Variants in UBE2R2 observed in about 807,000 individuals in gnomAD.
UBE2R2 encodes the protein ubiquitin conjugating enzyme E2 R2.
A neutral mutation model predicts 27.8 loss-of-function variants in UBE2R2; 1 was observed. The observed-to-expected ratio is 0.04, with a 90% confidence interval of 0.01 to 0.17. The LOEUF (loss-of-function observed/expected upper bound fraction) is 0.17, where lower values mean the gene tolerates loss of function less well. Among genes scored for constraint, UBE2R2 ranks in the 10% least tolerant of loss-of-function variants. The probability of loss-of-function intolerance (pLI) is 1.00; values close to 1 mark genes in which losing one functional copy is unlikely to be tolerated. For synonymous variants in UBE2R2, 106 were observed against 113.3 expected, an observed-to-expected ratio of 0.94 and a Z score of 0.41; for missense variants, 100 against 291.0, an observed-to-expected ratio of 0.34 and a Z score of 4.78.
intron 1 of UBE2R2, among the ~76,000 whole-genome samples, chr9:33,848,002 G>A (rs1258893824): frequency 1.3e-5 from 2 of 151,968 alleles, no homozygotes; most frequent in East Asian, 1.9e-4. Flanking sequence ...TGATCCACCC[G>A]CCTCTGACTC....
intron 1 of UBE2R2, among the ~76,000 whole-genome samples, chr9:33,876,567 A>G (rs1821606487): frequency 6.6e-6 from 1 of 152,126 alleles, no homozygotes; most frequent in Non-Finnish European, 1.5e-5. Flanking sequence ...ACACCAACCA[A>G]TGTTACCTCT....
intron 3 of UBE2R2, among the ~76,000 whole-genome samples, chr9:33,910,348 C>CGT (rs1822457201): frequency 6.6e-6 from 1 of 152,018 alleles, no homozygotes; most frequent in South Asian, 2.1e-4. Context: ...GGGGTTTCAC[C>CGT]GTGTTGGCCA....
chr9:33,889,697 T>C (rs1012789628), intron 2 of UBE2R2, among the ~76,000 whole-genome samples: 1 of 152,222 alleles, frequency 6.6e-6, no homozygotes, highest in African/African-American at 2.4e-5. Context: ...TAATTACTTT[T>C]GTGTTTTTGA....
In UBE2R2 at chr9:33,859,508, T is replaced by G. The variant is rs149819276; in HGVS notation, c.178-27373T>G. ...ATGGTTTATGTAGAGTATTAAAATCTTAAGACTGGGATGGACTCTGAGATA... is the reference window on the plus strand; with the variant it reads ...ATGGTTTATGTAGAGTATTAAAATCGTAAGACTGGGATGGACTCTGAGATA... On this transcript the variant is annotated intron_variant, in intron 1 of 4. Coordinates refer to ENST00000263228, the MANE Select transcript of UBE2R2 (RefSeq NM_017811.4). Among the ~76,000 whole-genome samples, 186 of 152,292 alleles carry G rather than the reference T, an allele frequency of 1.2e-3. 1 individual carries two copies. The highest frequency in any genetic ancestry group is 0.011 in the Admixed American group (166 of 15,276).
intron 1 of UBE2R2, among the ~76,000 whole-genome samples, chr9:33,867,569 T>C (rs913298560): frequency 6.6e-6 from 1 of 152,236 alleles, no homozygotes; most frequent in Non-Finnish European, 1.5e-5. Context: ...GCATCTTTGC[T>C]AGTCTTTTTC....
At chr9:33,864,870 G>A (rs890889116) in intron 1 of UBE2R2, among the ~76,000 whole-genome samples, 22 of 151,822 alleles carry the variant, frequency 1.4e-4, no homozygotes, top group African/African-American at 4.4e-4. Context: ...GATTACAGGC[G>A]TGTGCCACCA....
rs192532675 is a variant in UBE2R2 at position 33,871,750 on chromosome 9, G to A, written c.178-15131G>A. Reference sequence around the variant, plus strand: ...TTTTGAGACGGAGTCTCGCTCTGTCGCCCAGGCTGGAGTACAGTGGCGTGA... The same window carrying A: ...TTTTGAGACGGAGTCTCGCTCTGTCACCCAGGCTGGAGTACAGTGGCGTGA... On this transcript the variant is annotated intron_variant, in intron 1 of 4. Transcript: ENST00000263228. 3.7e-3 allele frequency among the ~76,000 whole-genome samples: 556 copies of A among 152,210 alleles called. 9 individuals are homozygous for A. Among genetic ancestry groups the A allele is most frequent in the East Asian group, 0.014 (71 of 5,184 alleles).
At position 33,856,859 on chromosome 9, in the gene UBE2R2, G is replaced by A. The variant is rs12337694; in HGVS notation, c.178-30022G>A. ...TGTCCGTCCTTCCATCCATCCATCC[G>A]TCTGTCCGTCCTTCCTTCCTTCCTT... On this transcript the variant is annotated intron_variant, in intron 1 of 4. Transcript: ENST00000263228. Among the ~76,000 whole-genome samples, 562 of 139,058 alleles carry A rather than the reference G, an allele frequency of 4.0e-3. 6 individuals are homozygous for A. Among genetic ancestry groups the A allele is most frequent in the African/African-American group, 0.014 (529 of 37,222 alleles). 91.2% of individuals were successfully genotyped at this position (139,058 alleles called of 152,430 possible). A position where few individuals can be genotyped will look rare whatever the true frequency, so the allele number is the denominator to read the frequency against.
At chr9:33,870,970 A>G (rs953762503) in intron 1 of UBE2R2, among the ~76,000 whole-genome samples, 1 of 152,184 alleles carries the variant, frequency 6.6e-6, no homozygotes, top group African/African-American at 2.4e-5. Flanking sequence ...TTTTGTGTTT[A>G]TTCCAACTGC....
intron 1 of UBE2R2, among the ~76,000 whole-genome samples, chr9:33,886,623 C>A (rs1821863525): frequency 6.8e-6 from 1 of 147,278 alleles, no homozygotes; most frequent in Admixed American, 7.1e-5. Context: ...TCACTGCACT[C>A]CAGCCTGCTG....
chr9:33,887,640 G>A (rs1366693828), intron 2 of UBE2R2, among the ~76,000 whole-genome samples: 3 of 145,264 alleles, frequency 2.1e-5, no homozygotes, highest in South Asian at 4.8e-4. Flanking sequence ...TTCTATAAGT[G>A]TGCTTTTTTG....
chr9:33,877,796 CCTCT>C (rs1821637704), intron 1 of UBE2R2, among the ~76,000 whole-genome samples: 1 of 112,578 alleles, frequency 8.9e-6, no homozygotes, highest in South Asian at 2.9e-4. Context: ...GATTTTTGCC[CCTCT>C]CTGTCTGTCT....
intron 1 of UBE2R2, among the ~76,000 whole-genome samples, chr9:33,838,966 C>A (rs1293173965): frequency 6.6e-6 from 1 of 151,672 alleles, no homozygotes; most frequent in Non-Finnish European, 1.5e-5. Flanking sequence ...CCTGTAATCC[C>A]AGCTACTCGG....
intron 1 of UBE2R2, among the ~76,000 whole-genome samples, chr9:33,840,966 C>T (rs967173519): frequency 1.3e-5 from 2 of 151,916 alleles, no homozygotes; most frequent in Admixed American, 6.6e-5. Context: ...ACTCTTTCAC[C>T]CAGGCTGGAG....
At chr9:33,866,627 A>T (rs1157508938) in intron 1 of UBE2R2, among the ~76,000 whole-genome samples, 1 of 152,156 alleles carries the variant, frequency 6.6e-6, no homozygotes, top group East Asian at 1.9e-4. Context: ...ACACTGGGGC[A>T]TCTGTATATC....
At chr9:33,855,580 C>A (rs1218987538) in intron 1 of UBE2R2, among the ~76,000 whole-genome samples, 1 of 152,204 alleles carries the variant, frequency 6.6e-6, no homozygotes, top group Non-Finnish European at 1.5e-5. Context: ...GATCCCCAGG[C>A]AACACAAAAT....
intron 1 of UBE2R2, among the ~76,000 whole-genome samples, chr9:33,844,792 A>G (rs1243235024): frequency 1.3e-5 from 2 of 151,628 alleles, no homozygotes; most frequent in East Asian, 3.9e-4. Context: ...TTTCTGAGAC[A>G]GTCTTGCTCT....
At chr9:33,915,746 G>A (rs970588609) in intron 4 of UBE2R2, among the ~76,000 whole-genome samples, 2 of 152,080 alleles carry the variant, frequency 1.3e-5, no homozygotes, top group East Asian at 1.9e-4. Flanking sequence ...AGACATTTAC[G>A]CTCACATTCA....
intron 1 of UBE2R2, among the ~76,000 whole-genome samples, chr9:33,840,528 A>C (rs747531623): frequency 6.6e-6 from 1 of 152,042 alleles, no homozygotes; most frequent in Non-Finnish European, 1.5e-5. Flanking sequence ...TATATTTTGC[A>C]AATTGGTTAC....
Sources: allele counts gnomAD v4.1 joint callset (sites outside exome capture counted in the v4.1 genomes callset), GRCh38; gene constraint gnomAD v4.1.1; transcripts MANE v1.5; gene names NCBI Gene and HGNC (gene_info 2026-07-23, HGNC 2026-07-21).